The following LHX5 variants were observed in gnomAD, a reference collection of about 807,000 sequenced individuals.
LHX5 encodes LIM/homeobox protein Lhx5.
A neutral mutation model predicts 30.6 loss-of-function variants in LHX5; 5 were observed. The observed-to-expected ratio is 0.16, with a 90% confidence interval of 0.09 to 0.34. The LOEUF is 0.34. Ranked by LOEUF, LHX5 falls within the 10% of genes least tolerant of loss-of-function variation. The pLI is 1.00. For missense variants in LHX5, 458 were observed against 570.6 expected (o/e 0.80, Z 2.01); for synonymous variants, 266 against 252.6 (o/e 1.05, Z -0.50).
At position 113,463,159 on chromosome 12, in the gene LHX5, G is replaced by A. The variant is rs1459741767; in HGVS notation, c.*31C>T. The stretch of plus-strand genomic sequence containing the variant: ...AGGCTGCTTCGGGGCGGGGCCCCCG[G>A]GGGCCGAGCGCGGGGGGCGGCCCGG... On this transcript the variant is annotated 3_prime_UTR_variant, in exon 5 of 5. Coordinates refer to ENST00000261731, the MANE Select transcript of LHX5 (RefSeq NM_022363.3). This position sits in a 1 kb window ranked among gnomAD's most constrained non-coding sequence, Gnocchi z 6.7. 1 of 1,471,252 alleles carries A rather than the reference G, an allele frequency of 6.8e-7. No individual in the cohort carries two copies. Among genetic ancestry groups the A allele is most frequent in the Non-Finnish European group, 8.9e-7 (1 of 1,121,630 alleles). The allele number at this position is 1,471,252 out of a possible 1,614,324, so 91.1% of individuals were successfully genotyped here. A position where few individuals can be genotyped will look rare whatever the true frequency, so the allele number is the denominator to read the frequency against.
Position 113,465,954 on chromosome 12 carries a change from G to C in LHX5, c.841+1302C>G, listed in dbSNP as rs1593327452. Among the ~76,000 whole-genome samples the C allele has an allele frequency of 1.3e-5, 2 of 152,242 alleles. No homozygotes were observed. Among genetic ancestry groups the C allele is most frequent in the South Asian group, 4.1e-4 (2 of 4,824 alleles). ...AGCCCTGCCACTGCCTGGGGTCTCT[G>C]CCCTGAAAAGCACAGCCTGGCATTT... On this transcript the variant is annotated intron_variant, in intron 4 of 4. Transcript: ENST00000261731. This position sits in a 1 kb window ranked among gnomAD's most constrained non-coding sequence, Gnocchi z 6.7.
In LHX5 at chr12:113,466,490, C is replaced by A. The variant is rs778016752; in HGVS notation, c.841+766G>T. The stretch of plus-strand genomic sequence containing the variant: ...GCCCTTTGTAAACTGGGGCTCCTCG[C>A]TCTCTGCAGCCCCAAAGACGGTGGA... On this transcript the variant is annotated intron_variant, in intron 4 of 4. Coordinates refer to ENST00000261731, the MANE Select transcript of LHX5 (RefSeq NM_022363.3). This position sits in a 1 kb window ranked among gnomAD's most constrained non-coding sequence, Gnocchi z 6.5. Among the ~76,000 whole-genome samples, 1 of 152,228 alleles carries A rather than the reference C, an allele frequency of 6.6e-6. No homozygotes were observed. The highest frequency in any genetic ancestry group is 1.5e-5 in the Non-Finnish European group (1 of 68,040).
Position 113,463,120 on chromosome 12 carries a change from G to A in LHX5, c.*70C>T. The A allele has an allele frequency of 7.5e-7, 1 of 1,339,392 alleles. No homozygotes were observed. The highest frequency in any genetic ancestry group is 9.8e-7 in the Non-Finnish European group (1 of 1,019,592). 83.0% of individuals were successfully genotyped at this position (1,339,392 alleles called of 1,614,324 possible). On this transcript the variant is annotated 3_prime_UTR_variant, in exon 5 of 5. Coordinates refer to ENST00000261731, the MANE Select transcript of LHX5 (RefSeq NM_022363.3). This position sits in a 1 kb window ranked among gnomAD's most constrained non-coding sequence, Gnocchi z 6.7. ...GTCTCCCACCGCGTCTGCGTCGGGC[G>A]TTTTGGTTTCAGGAGGCTGCTTCGG...
chr12:113,463,183 G>A lies in LHX5; in HGVS notation c.*7C>T. The A allele has an allele frequency of 1.3e-6, 2 of 1,502,610 alleles. No individual in the cohort carries two copies. Among genetic ancestry groups the A allele is most frequent in the Middle Eastern group, 2.3e-4 (1 of 4,288 alleles). 93.1% of individuals were successfully genotyped at this position (1,502,610 alleles called of 1,614,324 possible). ...GGGGGCCGAGCGCGGGGGGCGGCCC[G>A]GCGGCCTTACCACACGGCGGCTTCG... On this transcript the variant is annotated 3_prime_UTR_variant, in exon 5 of 5. Transcript: ENST00000261731. The surrounding 1 kb of genome is among the most constrained non-coding windows in gnomAD (Gnocchi z 6.7).
chr12:113,464,754 G>GCT lies in LHX5; in HGVS notation c.842-1199_842-1198dup, dbSNP rs1251118308. ...TTTGAGAAGCTGGTGATAGCTATGG[G>GCT]CTCTCTCTCAAGGAAAATGCAAGGA... On this transcript the variant is annotated intron_variant, in intron 4 of 4. Transcript: ENST00000261731. This position sits in a 1 kb window ranked among gnomAD's most constrained non-coding sequence, Gnocchi z 6.2. Among the ~76,000 whole-genome samples the GCT allele has an allele frequency of 6.6e-6, 1 of 152,152 alleles. No individual in the cohort carries two copies. The highest frequency in any genetic ancestry group is 1.5e-5 in the Non-Finnish European group (1 of 68,026).
At chr12:113,468,983 C>T in intron 2 of LHX5, 139 bp downstream of exon 2, 1 of 661,070 alleles carries the variant, frequency 1.5e-6, no homozygotes, top group Admixed American at 3.0e-5. Context: ...ACCCCCTTGC[C>T]TTGCCCTAGA....
At position 113,465,616 on chromosome 12, in the gene LHX5, C is replaced by T. The variant is rs1420444122; in HGVS notation, c.841+1640G>A. 6.6e-6 allele frequency among the ~76,000 whole-genome samples: 1 copy of T among 152,216 alleles called. No individual in the cohort carries two copies. The highest frequency in any genetic ancestry group is 2.4e-5 in the African/African-American group (1 of 41,472). On this transcript the variant is annotated intron_variant, in intron 4 of 4. Coordinates refer to ENST00000261731, the MANE Select transcript of LHX5 (RefSeq NM_022363.3). This position sits in a 1 kb window ranked among gnomAD's most constrained non-coding sequence, Gnocchi z 6.7. The stretch of plus-strand genomic sequence containing the variant: ...GGGGCCCCCAGTATCCAGCTCCCCA[C>T]CTCATCCAGCGCGCAGGGAGAGGAG...
At position 113,469,323 on chromosome 12, in the gene LHX5, C is replaced by T. The variant is rs757705138; in HGVS notation, c.196G>A (p.Gly66Ser). Reference protein sequence around the residue: ...FFRRFGTKCAGCAQGISPSDL... With the variant: ...FFRRFGTKCASCAQGISPSDL... ...CTGGGCGAGATGCCTTGCGCGCAGC[C>T]GGCGCATTTCGTGCCAAAGCGCCTG... is the stretch of plus-strand genomic sequence containing the variant. Residue 66 changes from glycine (G) to serine (S), a missense_variant, in exon 2 of 5, where the codon GGC becomes AGC. Gly to Ser is a moderately conservative substitution (Grantham distance 56). Transcript: ENST00000261731. The T allele has an allele frequency of 1.9e-6, 3 of 1,613,378 alleles. No homozygotes were observed. The highest frequency in any genetic ancestry group is 2.5e-6 in the Non-Finnish European group (3 of 1,180,004).
At position 113,463,238 on chromosome 12, in the gene LHX5, T is replaced by C. The variant is rs1445856175; in HGVS notation, c.1161A>G (p.Gly387=). ...GCTCGGGGTTGGGATGCGACAGGGG[T>C]CCGCTGTAGCCGCTGGTGCCGCTCA... ...FPMSGTSGYS[G]PLSHPNPELN... The change falls in exon 5 of 5, where the codon GGA becomes GGG. Residue 387 remains glycine (G), a synonymous_variant. Coordinates refer to ENST00000261731, the MANE Select transcript of LHX5 (RefSeq NM_022363.3). This position sits in a 1 kb window ranked among gnomAD's most constrained non-coding sequence, Gnocchi z 6.7. 3 of 1,524,656 alleles carry C rather than the reference T, an allele frequency of 2.0e-6. No homozygotes were observed. Among genetic ancestry groups the C allele is most frequent in the East Asian group, 5.2e-5 (2 of 38,558 alleles). The allele number at this position is 1,524,656 out of a possible 1,614,324, so 94.4% of individuals were successfully genotyped here.
rs1958202864 is a variant in LHX5, at chr12:113,464,863, C to G, written c.842-1306G>C. On this transcript the variant is annotated intron_variant, in intron 4 of 4. Coordinates refer to ENST00000261731, the MANE Select transcript of LHX5 (RefSeq NM_022363.3). This position sits in a 1 kb window ranked among gnomAD's most constrained non-coding sequence, Gnocchi z 6.2. Reference sequence around the variant, plus strand: ...GCCTCAACAAATCTGTATCAACTCTCTGACCGCCCCACATAGCCCCTTTTC... The same window carrying G: ...GCCTCAACAAATCTGTATCAACTCTGTGACCGCCCCACATAGCCCCTTTTC... Among the ~76,000 whole-genome samples the G allele has an allele frequency of 6.6e-6, 1 of 152,162 alleles. No individual in the cohort carries two copies. Among genetic ancestry groups the G allele is most frequent in the African/African-American group, 2.4e-5 (1 of 41,440 alleles).
At position 113,462,318 on chromosome 12, in the gene LHX5, C is replaced by G. The variant is rs1958178347; in HGVS notation, c.*872G>C. 1 of 152,200 alleles carries G rather than the reference C, an allele frequency of 6.6e-6. No individual in the cohort carries two copies. The highest frequency in any genetic ancestry group is 2.1e-4 in the South Asian group (1 of 4,824). The allele number at this position is 152,200 out of a possible 1,614,324, so 9.4% of individuals were successfully genotyped here. A position where few individuals can be genotyped will look rare whatever the true frequency, so the allele number is the denominator to read the frequency against. ...TATAATATTGTACATCCTGACGGCCCAGCCTCCAGGCCCTGGGCAGGGAGG... is the reference window on the plus strand; with the variant it reads ...TATAATATTGTACATCCTGACGGCCGAGCCTCCAGGCCCTGGGCAGGGAGG... On this transcript the variant is annotated 3_prime_UTR_variant, in exon 5 of 5. Transcript: ENST00000261731.
At position 113,467,214 on chromosome 12, in the gene LHX5, A is replaced by G; in HGVS notation, c.841+42T>C. 1.4e-6 allele frequency: 2 copies of G among 1,391,752 alleles called. No homozygotes were observed. Among genetic ancestry groups the G allele is most frequent in the Non-Finnish European group, 1.9e-6 (2 of 1,063,136 alleles). 86.2% of individuals were successfully genotyped at this position (1,391,752 alleles called of 1,614,324 possible). On this transcript the variant is annotated intron_variant, in intron 4 of 4. Coordinates refer to ENST00000261731, the MANE Select transcript of LHX5 (RefSeq NM_022363.3). This position sits in a 1 kb window ranked among gnomAD's most constrained non-coding sequence, Gnocchi z 6.3. ...GGACCCTTCGCCCTCAGCTCCCGGA[A>G]TAGGACAGGTGCGGAACAGCGAATC...
intron 1 of LHX5, 125 bp downstream of exon 1, chr12:113,471,194 TGCTGCCC>T (rs2136980475): frequency 1.1e-6 from 1 of 932,820 alleles, no homozygotes; most frequent in Non-Finnish European, 1.6e-6. Flanking sequence ...GAGAGCAAAG[TGCTGCCC>T]GCTCCCCATC....
chr12:113,467,458 G>A lies in LHX5; in HGVS notation c.676-37C>T. 6.9e-7 allele frequency: 1 copy of A among 1,445,766 alleles called. No homozygotes were observed. The highest frequency in any genetic ancestry group is 9.2e-7 in the Non-Finnish European group (1 of 1,087,956). The allele number at this position is 1,445,766 out of a possible 1,614,324, so 89.6% of individuals were successfully genotyped here. A position where few individuals can be genotyped will look rare whatever the true frequency, so the allele number is the denominator to read the frequency against. ...GAGGGGGCTGTGAACCCAGGATCAG[G>A]AGTGTCCTCTCCCCCCCTCTTCTCC... On this transcript the variant is annotated intron_variant, in intron 3 of 4. Transcript: ENST00000261731. This position sits in a 1 kb window ranked among gnomAD's most constrained non-coding sequence, Gnocchi z 6.3.
chr12:113,464,868 C>T lies in LHX5; in HGVS notation c.842-1311G>A, dbSNP rs1360017422. 6.6e-6 allele frequency among the ~76,000 whole-genome samples: 1 copy of T among 152,148 alleles called. No individual in the cohort carries two copies. The highest frequency in any genetic ancestry group is 2.4e-5 in the African/African-American group (1 of 41,426). On this transcript the variant is annotated intron_variant, in intron 4 of 4. Transcript: ENST00000261731. The surrounding 1 kb of genome is among the most constrained non-coding windows in gnomAD (Gnocchi z 6.2). ...AACAAATCTGTATCAACTCTCTGAC[C>T]GCCCCACATAGCCCCTTTTCCAGAA...
Position 113,466,336 on chromosome 12 carries a change from A to T in LHX5, c.841+920T>A, listed in dbSNP as rs1471785704. Among the ~76,000 whole-genome samples the T allele has an allele frequency of 1.3e-5, 2 of 152,130 alleles. No homozygotes were observed. The highest frequency in any genetic ancestry group is 1.3e-4 in the Admixed American group (2 of 15,278). ...TCAAGCAATGCGGCTCAGGGTAAGG[A>T]GCTGAAAAAATCGGATAGGGGGAGT... On this transcript the variant is annotated intron_variant, in intron 4 of 4. Coordinates refer to ENST00000261731, the MANE Select transcript of LHX5 (RefSeq NM_022363.3). This position sits in a 1 kb window ranked among gnomAD's most constrained non-coding sequence, Gnocchi z 6.5.
rs946999405 is a variant in LHX5 at position 113,466,614 on chromosome 12, G to A, written c.841+642C>T. ...TACAGTCCTGCCCAGAGCAACTGCC[G>A]GCATTTGGGCTAACACTGCCAGATG... On this transcript the variant is annotated intron_variant, in intron 4 of 4. Coordinates refer to ENST00000261731, the MANE Select transcript of LHX5 (RefSeq NM_022363.3). The surrounding 1 kb of genome is among the most constrained non-coding windows in gnomAD (Gnocchi z 6.5). 2.6e-5 allele frequency among the ~76,000 whole-genome samples: 4 copies of A among 152,174 alleles called. No homozygotes were observed. The highest frequency in any genetic ancestry group is 3.2e-3 in the Middle Eastern group (1 of 316).
At position 113,463,143 on chromosome 12, in the gene LHX5, CG is replaced by C. The variant is rs1277802080; in HGVS notation, c.*46del. The C allele has an allele frequency of 2.8e-6, 4 of 1,441,772 alleles. No homozygotes were observed. In the African/African-American group the frequency reaches 4.5e-5, roughly 16 times the overall value. The allele number at this position is 1,441,772 out of a possible 1,614,324, so 89.3% of individuals were successfully genotyped here. A position where few individuals can be genotyped will look rare whatever the true frequency, so the allele number is the denominator to read the frequency against. On this transcript the variant is annotated 3_prime_UTR_variant, in exon 5 of 5. Transcript: ENST00000261731. The surrounding 1 kb of genome is among the most constrained non-coding windows in gnomAD (Gnocchi z 6.7). ...GCGTTTTGGTTTCAGGAGGCTGCTTCGGGGCGGGGCCCCCGGGGGCCGAGCG... is the reference window on the plus strand; with the variant it reads ...GCGTTTTGGTTTCAGGAGGCTGCTTCGGGCGGGGCCCCCGGGGGCCGAGCG...
chr12:113,467,273 G>A lies in LHX5; in HGVS notation c.824C>T (p.Pro275Leu), dbSNP rs1047838650. 11 of 1,500,036 alleles carry A rather than the reference G, an allele frequency of 7.3e-6. No homozygotes were observed. The highest frequency in any genetic ancestry group is 2.5e-5 in the East Asian group (1 of 39,320). The allele number at this position is 1,500,036 out of a possible 1,614,324, so 92.9% of individuals were successfully genotyped here. Residue 275 changes from proline (P) to leucine (L), a missense_variant, in exon 4 of 5, where the codon CCG becomes CTG. Around this residue, in one of 3 missense-constraint regions of LHX5, gnomAD observed 255 missense variants for 246.8 expected, o/e 1.03. Coordinates refer to ENST00000261731, the MANE Select transcript of LHX5 (RefSeq NM_022363.3). The surrounding 1 kb of genome is among the most constrained non-coding windows in gnomAD (Gnocchi z 6.3). ...LDESEMLGST[P>L]YTYYGDYQGD... is the part of the protein sequence containing the mutation. Reference sequence around the variant, plus strand: ...CCCCTTACCTCCGTAGTAGGTGTACGGGGTGGACCCCAACATCTCAGACTC... The same window carrying A: ...CCCCTTACCTCCGTAGTAGGTGTACAGGGTGGACCCCAACATCTCAGACTC...
Sources: allele counts gnomAD v4.1 joint callset (sites outside exome capture counted in the v4.1 genomes callset), GRCh38; gene constraint gnomAD v4.1.1; regional missense constraint gnomAD v4.1.1; non-coding constraint Gnocchi (gnomAD v3.1); transcripts MANE v1.5; gene names NCBI Gene and HGNC (gene_info 2026-07-23, HGNC 2026-07-21).